Variants in RFX1 observed in about 807,000 individuals in gnomAD.
RFX1 encodes the protein MHC class II regulatory factor RFX1.
A neutral mutation model predicts 119.6 loss-of-function variants in RFX1; 42 were observed. The observed-to-expected ratio is 0.35, with a 90% CI of 0.27 to 0.45. The LOEUF (loss-of-function observed/expected upper bound fraction) is 0.45. RFX1 is among the 20% of genes least tolerant of loss of function. The pLI, the probability that RFX1 is intolerant of heterozygous loss-of-function variation, is 1.00. For synonymous variants in RFX1, 628 were observed against 618.5 expected (o/e 1.02, Z -0.23); for missense variants, 1,118 against 1,368.1 (o/e 0.82, Z 2.88).
chr19:14,005,634 A>T (rs1975345640), intron 1 of RFX1, among the ~76,000 whole-genome samples: 1 of 152,194 alleles, frequency 6.6e-6, no homozygotes. Context: ...CTCTTAAGGA[A>T]GAAGGGAGTC....
chr19:13,971,779 G>A (rs917019160), intron 9 of RFX1, among the ~76,000 whole-genome samples: 2 of 152,108 alleles, frequency 1.3e-5, no homozygotes, highest in African/African-American at 4.8e-5. Flanking sequence ...GGAGGCCGAG[G>A]AGGGTGGATC....
chr19:13,963,325 C>A (rs1357868888), intron 18 of RFX1, 50 bp from the exon 19 acceptor site: 1 of 1,557,424 alleles, frequency 6.4e-7, no homozygotes, highest in East Asian at 2.4e-5. Context: ...CGGCCCGACC[C>A]CCTCTCCCCC....
chr19:13,995,196 C>T (rs966535122), intron 1 of RFX1, among the ~76,000 whole-genome samples: 7 of 151,908 alleles, frequency 4.6e-5, no homozygotes, highest in Admixed American at 2.6e-4. Flanking sequence ...GGTGGCAGGG[C>T]TGCATTTGAA....
chr19:13,983,419 C>T (rs905767256), intron 3 of RFX1, 67 bp downstream of exon 3: 34 of 1,332,332 alleles, frequency 2.6e-5, no homozygotes, highest in South Asian at 1.0e-4. Flanking sequence ...GTGAGGCCCC[C>T]GAGGACGCAG....
chr19:13,978,740 C>G, intron 7 of RFX1, among the ~76,000 whole-genome samples: 1 of 152,138 alleles, frequency 6.6e-6, no homozygotes, highest in East Asian at 1.9e-4. Flanking sequence ...CCCGTGCGTC[C>G]GCCACCTACT....
chr19:14,003,289 G>A (rs1975275223), intron 1 of RFX1, among the ~76,000 whole-genome samples: 1 of 149,900 alleles, frequency 6.7e-6, no homozygotes, highest in East Asian at 1.9e-4. Context: ...CACTGTGCCC[G>A]GCCAGGATTT....
chr19:13,994,893 C>CTTAT (rs1974946008), intron 1 of RFX1, among the ~76,000 whole-genome samples: 1 of 59,306 alleles, frequency 1.7e-5, no homozygotes, highest in Non-Finnish European at 3.3e-5. Context: ...AATATACATA[C>CTTAT]ATATATATAT....
At position 13,963,914 on chromosome 19, in the gene RFX1, C is replaced by A; in HGVS notation, c.2305G>T (p.Ala769Ser). The A allele has an allele frequency of 6.5e-7, 1 of 1,549,164 alleles. No individual in the cohort carries two copies. Among genetic ancestry groups the A allele is most frequent in the East Asian group, 2.4e-5 (1 of 40,958 alleles). Residue 769 changes from alanine (A) to serine (S), a missense_variant, in exon 17 of 21, where the codon GCA becomes TCA. Ala to Ser is a moderately conservative substitution (Grantham distance 99, BLOSUM62 1). Around this residue, in one of 5 missense-constraint regions of RFX1, gnomAD observed 338 missense variants for 508.9 expected, o/e 0.66. Coordinates refer to ENST00000254325, the MANE Select transcript of RFX1 (RefSeq NM_002918.5). ...QAARAVLQNT[A>S]QINQMLSDLN... ...TCGCTCAGCATCTGGTTGATCTGTGCGGTGTTCTGCAGCACAGCGCGCGCC... is the reference window on the plus strand; with the variant it reads ...TCGCTCAGCATCTGGTTGATCTGTGAGGTGTTCTGCAGCACAGCGCGCGCC...
intron 4 of RFX1, 86 bp from the exon 5 acceptor site, chr19:13,982,314 T>G (rs1974455590): frequency 1.5e-6 from 1 of 667,866 alleles, no homozygotes; most frequent in Non-Finnish European, 2.2e-6. Flanking sequence ...CCAGGTGACA[T>G]TCTAAGTGCT....
chr19:13,983,035 G>A (rs1974477122), intron 4 of RFX1, 152 bp downstream of exon 4: 1 of 612,538 alleles, frequency 1.6e-6, no homozygotes, highest in East Asian at 2.8e-5. Flanking sequence ...TCACCCTGGG[G>A]AGGTGACTGC....
intron 8 of RFX1, among the ~76,000 whole-genome samples, chr19:13,973,851 C>T (rs1358520464): frequency 1.3e-5 from 2 of 151,776 alleles, no homozygotes; most frequent in Non-Finnish European, 2.9e-5. Context: ...AGGCTGGTCT[C>T]GAACTTCTGA....
At chr19:14,004,996 G>T (rs1975325877) in intron 1 of RFX1, among the ~76,000 whole-genome samples, 1 of 152,180 alleles carries the variant, frequency 6.6e-6, no homozygotes, top group Non-Finnish European at 1.5e-5. Flanking sequence ...CATGTGACTC[G>T]GTTGACACTC....
At chr19:14,006,509 A>G (rs1426854967), upstream of RFX1, 2 of 152,018 alleles carry the variant, frequency 1.3e-5, no homozygotes, top group Non-Finnish European at 2.9e-5. Context: ...AAGAAACTGA[A>G]CCCTCAAAGG....
intron 8 of RFX1, among the ~76,000 whole-genome samples, chr19:13,977,493 T>G (rs1157538242): frequency 1.3e-5 from 2 of 151,554 alleles, no homozygotes; most frequent in African/African-American, 2.4e-5. Flanking sequence ...CTCAGCTCAC[T>G]GCAACCTCCG....
At chr19:14,005,635 G>A (rs1975345709) in intron 1 of RFX1, among the ~76,000 whole-genome samples, 1 of 152,222 alleles carries the variant, frequency 6.6e-6, no homozygotes, top group Admixed American at 6.5e-5. Context: ...TCTTAAGGAA[G>A]AAGGGAGTCG....
chr19:13,993,634 G>A lies in RFX1; in HGVS notation c.210C>T (p.Gly70=). 6.2e-7 allele frequency: 1 copy of A among 1,607,286 alleles called. No individual in the cohort carries two copies. The highest frequency in any genetic ancestry group is 8.5e-7 in the Non-Finnish European group (1 of 1,176,354). The change falls in exon 2 of 21, where the codon GGC becomes GGT. Residue 70 remains glycine, a synonymous_variant. Coordinates refer to ENST00000254325, the MANE Select transcript of RFX1 (RefSeq NM_002918.5). ...GGAGCTCCGTCACGTACTGCTTCTG[G>A]CCACCCGGTGGCTGTGCCTGGGGCT... is the stretch of plus-strand genomic sequence containing the variant. ...SPQPQAQPPG[G]QKQYVTELPA...
intron 16 of RFX1, among the ~76,000 whole-genome samples, chr19:13,964,450 G>C (rs1301518913): frequency 6.6e-6 from 1 of 151,398 alleles, no homozygotes; most frequent in Admixed American, 6.6e-5. Flanking sequence ...GCACAGAAAG[G>C]GCAAACACTG....
At chr19:14,002,288 C>G (rs1394271571) in intron 1 of RFX1, among the ~76,000 whole-genome samples, 2 of 141,818 alleles carry the variant, frequency 1.4e-5, no homozygotes, top group Non-Finnish European at 3.0e-5. Flanking sequence ...GCACTCCAGC[C>G]TGGATGACAG....
intron 18 of RFX1, 89 bp downstream of exon 18, chr19:13,963,449 C>G (rs1973784199): frequency 6.9e-7 from 1 of 1,453,058 alleles, no homozygotes; most frequent in East Asian, 2.5e-5. Context: ...AGCCTGCAGG[C>G]TCGGGTCGTC....
Sources: gnomAD v4.1 joint callset for allele counts (sites outside exome capture counted in the v4.1 genomes callset) on GRCh38, gnomAD v4.1.1 for gene constraint, gnomAD v4.1.1 regional missense constraint, MANE v1.5 for transcripts, NCBI Gene and HGNC (gene_info 2026-07-23, HGNC 2026-07-21) for gene names.